Variants in ACAD11 observed in about 807,000 individuals in gnomAD.
ACAD11 encodes acyl-CoA dehydrogenase family member 11.
A neutral mutation model predicts 102.2 loss-of-function variants in ACAD11; 83 were observed. The observed-to-expected ratio is 0.81, with a 90% CI of 0.68 to 0.97. ACAD11 has a LOEUF of 0.97. ACAD11 is among the 50% of genes least tolerant of loss of function. The pLI is 0.00. For missense variants in ACAD11, 901 were observed against 951.7 expected (o/e 0.95, Z 0.70); for synonymous variants, 324 against 319.8 (o/e 1.01, Z -0.14).
Position 132,561,100 on chromosome 3 carries a change from C to T in ACAD11, c.2118+1G>A. On this transcript the variant is annotated splice_donor_variant, in intron 18 of 19. Transcript: ENST00000264990. LOFTEE classifies it high-confidence loss of function. ...GGTCTGAGGGGAGAAGGTAGCCTCA[C>T]CTCTTTCTTAGCGCCAGCACTGCCC... 6.2e-7 allele frequency: 1 copy of T among 1,611,136 alleles called. No individual in the cohort carries two copies. Among genetic ancestry groups the T allele is most frequent in the South Asian group, 1.1e-5 (1 of 91,040 alleles).
At chr3:132,628,232 A>T (rs2107861530) in intron 8 of ACAD11, 108 bp downstream of exon 8, 1 of 609,986 alleles carries the variant, frequency 1.6e-6, no homozygotes, top group East Asian at 3.1e-5. Flanking sequence ...GGCAGCAGCA[A>T]TCCTGGTGTA....
intron 13 of ACAD11, among the ~76,000 whole-genome samples, chr3:132,588,116 T>C (rs546255802): frequency 1.3e-5 from 2 of 152,270 alleles, no homozygotes; most frequent in South Asian, 4.1e-4. Context: ...CCTGTGCCCA[T>C]CTCACTTTCC....
chr3:132,580,203 T>G (rs1234054164), intron 13 of ACAD11, among the ~76,000 whole-genome samples: 1 of 152,064 alleles, frequency 6.6e-6, no homozygotes, highest in Non-Finnish European at 1.5e-5. Context: ...ATGATCGGAT[T>G]CTTTTTTCTG....
chr3:132,605,149 A>G lies in ACAD11; in HGVS notation c.1471T>C (p.Trp491Arg). Reference protein sequence around the residue: ...LYGSEEQKKQWLEPLLQGNIT... With the variant: ...LYGSEEQKKQRLEPLLQGNIT... ...TTCCCTTGAAGAAGAGGCTCAAGCC[A>G]CTGTTTCTTCTGTTCCTCACTTCCA... The change falls in exon 12 of 20, where the codon TGG (tryptophan) becomes CGG (arginine). Residue 491 changes from tryptophan (W) to arginine (R), a missense_variant. By Grantham distance (101) the Trp-to-Arg change is moderately radical. Transcript: ENST00000264990. 1 of 1,613,782 alleles carries G rather than the reference A, an allele frequency of 6.2e-7. No homozygotes were observed.
rs139954266 is a variant in ACAD11, at chr3:132,567,223, C to T, written c.2002-6006G>A. 1.6e-4 allele frequency among the ~76,000 whole-genome samples: 25 copies of T among 152,272 alleles called. No individual in the cohort carries two copies. In the East Asian group the frequency reaches 4.8e-3, roughly 29 times the overall value. ...CAAACTCCTGACCTCAAATGATCCA[C>T]CCGCCATGGCCTCCCAAAGTGTGGG... is the stretch of plus-strand genomic sequence containing the variant. On this transcript the variant is annotated intron_variant, in intron 17 of 19. Transcript: ENST00000264990.
chr3:132,597,418 T>C (rs988168751), intron 13 of ACAD11: 6 of 148,782 alleles, frequency 4.0e-5, no homozygotes, highest in Non-Finnish European at 5.9e-5. Context: ...TCTTGATGCA[T>C]AAAAGTTTAA....
intron 1 of ACAD11, among the ~76,000 whole-genome samples, chr3:132,656,504 T>A (rs1937810910): frequency 6.6e-6 from 1 of 151,870 alleles, no homozygotes; most frequent in Admixed American, 6.6e-5. Context: ...GATTTTTTTT[T>A]TTTTTGAGAC....
chr3:132,565,172 A>C (rs753709750), intron 17 of ACAD11, among the ~76,000 whole-genome samples: 7 of 152,188 alleles, frequency 4.6e-5, no homozygotes, highest in Non-Finnish European at 8.8e-5. Flanking sequence ...CAGGATGGGG[A>C]GCGTAGGCTT....
At chr3:132,608,472 A>G (rs988139003) in intron 11 of ACAD11, among the ~76,000 whole-genome samples, 1 of 152,164 alleles carries the variant, frequency 6.6e-6, no homozygotes, top group African/African-American at 2.4e-5. Flanking sequence ...CAAACAAACA[A>G]AAAAGCAGGG....
chr3:132,643,985 C>T (rs1940622216), intron 2 of ACAD11, among the ~76,000 whole-genome samples: 1 of 152,058 alleles, frequency 6.6e-6, no homozygotes, highest in South Asian at 2.1e-4. Context: ...TTCAGCCATA[C>T]TATATCGATA....
chr3:132,658,285 C>T (rs1227462630), intron 1 of ACAD11, among the ~76,000 whole-genome samples: 3 of 152,124 alleles, frequency 2.0e-5, no homozygotes, highest in Admixed American at 2.0e-4. Flanking sequence ...TGTGTGTTCT[C>T]TGTGGGATCC....
intron 13 of ACAD11, among the ~76,000 whole-genome samples, chr3:132,581,002 A>C (rs1386014839): frequency 6.6e-6 from 1 of 152,054 alleles, no homozygotes; most frequent in Admixed American, 6.6e-5. Flanking sequence ...AGAAATGAGC[A>C]GAAGAACATT....
intron 17 of ACAD11, among the ~76,000 whole-genome samples, chr3:132,571,443 T>C (rs1257583012): frequency 6.6e-6 from 1 of 152,084 alleles, no homozygotes; most frequent in African/African-American, 2.4e-5. Flanking sequence ...TCTCCAATTC[T>C]GTAGGTTGCC....
chr3:132,612,357 A>G (rs1939193291), intron 11 of ACAD11, among the ~76,000 whole-genome samples: 3 of 152,084 alleles, frequency 2.0e-5, no homozygotes, highest in African/African-American at 7.3e-5. Context: ...ATGGCAACAA[A>G]AGACAAAATT....
rs199994612 is a variant in ACAD11, at chr3:132,631,772, T to G, written c.703-293A>C. On this transcript the variant is annotated intron_variant, in intron 5 of 19. Coordinates refer to ENST00000264990, the MANE Select transcript of ACAD11 (RefSeq NM_032169.5). ...GCAGTTAAAACTTCTCAACTGGAAGTAATTGTGATAAAAAGGAATTATAGT... is the reference window on the plus strand; with the variant it reads ...GCAGTTAAAACTTCTCAACTGGAAGGAATTGTGATAAAAAGGAATTATAGT... Among the ~76,000 whole-genome samples, 3 of 152,198 alleles carry G rather than the reference T, an allele frequency of 2.0e-5. No individual in the cohort carries two copies. The East Asian group carries it at 5.8e-4, about 29-fold the overall frequency.
chr3:132,612,495 C>A (rs1161785191), intron 11 of ACAD11, among the ~76,000 whole-genome samples: 1 of 152,084 alleles, frequency 6.6e-6, no homozygotes, highest in South Asian at 2.1e-4. Flanking sequence ...GGGCTAATAT[C>A]CAGAATCTAC....
chr3:132,592,359 T>C (rs1479333395), intron 13 of ACAD11, among the ~76,000 whole-genome samples: 1 of 152,156 alleles, frequency 6.6e-6, no homozygotes, highest in African/African-American at 2.4e-5. Context: ...CATTTAAACA[T>C]ATATGCTGTG....
At chr3:132,645,537 C>T (rs1940685202) in intron 1 of ACAD11, among the ~76,000 whole-genome samples, 1 of 152,210 alleles carries the variant, frequency 6.6e-6, no homozygotes, top group Admixed American at 6.5e-5. Context: ...CAAAACTATT[C>T]AGTCTATTCC....
At chr3:132,640,037 T>A (rs747417657) in intron 4 of ACAD11, among the ~76,000 whole-genome samples, 2 of 151,144 alleles carry the variant, frequency 1.3e-5, no homozygotes, top group Non-Finnish European at 1.5e-5. Flanking sequence ...TAGGCATAGA[T>A]AATCTCTGGA....
Sources: allele counts gnomAD v4.1 joint callset (sites outside exome capture counted in the v4.1 genomes callset), GRCh38; gene constraint gnomAD v4.1.1; transcripts MANE v1.5; gene names NCBI Gene and HGNC (gene_info 2026-07-23, HGNC 2026-07-21).